The following HSD17B6 variants were observed in gnomAD, a reference collection of about 807,000 sequenced individuals.
HSD17B6 encodes 17-beta-hydroxysteroid dehydrogenase type 6.
HSD17B6 carries 16 observed loss-of-function variants against 26.4 expected under a neutral mutation model. That is an observed-to-expected ratio of 0.61 (90% CI 0.41 to 0.92). HSD17B6 has a LOEUF of 0.92. Ranked by LOEUF, HSD17B6 falls within the 40% of genes least tolerant of loss-of-function variation. HSD17B6 has a pLI of 0.00. For synonymous variants in HSD17B6, 139 were observed against 153.0 expected, an observed-to-expected ratio of 0.91 and a Z score of 0.68; for missense variants, 357 against 386.1, an observed-to-expected ratio of 0.92 and a Z score of 0.63.
At chr12:56,773,404 A>AT (rs1452598828) in intron 1 of HSD17B6, among the ~76,000 whole-genome samples, 2 of 152,130 alleles carry the variant, frequency 1.3e-5, no homozygotes, top group Non-Finnish European at 2.9e-5. Flanking sequence ...GTCTCTTCTT[A>AT]TGTATGTTCT....
At position 56,767,526 on chromosome 12, in the gene HSD17B6, A is replaced by G. The variant is rs957360805; in HGVS notation, c.-20+4112A>G. Among the ~76,000 whole-genome samples, 5 of 149,068 alleles carry G rather than the reference A, an allele frequency of 3.4e-5. No homozygotes were observed. In the Admixed American group the frequency reaches 3.4e-4, roughly 10 times the overall value. On this transcript the variant is annotated intron_variant, in intron 1 of 4. Coordinates refer to ENST00000322165, the MANE Select transcript of HSD17B6 (RefSeq NM_003725.4). Reference sequence around the variant, plus strand: ...GCGAGACTCCCTCTCAAAACAAAACAAAACGAAAACAAAAAAAAAACAAAA... The same window carrying G: ...GCGAGACTCCCTCTCAAAACAAAACGAAACGAAAACAAAAAAAAAACAAAA...
chr12:56,767,204 A>G (rs1302931489), intron 1 of HSD17B6, among the ~76,000 whole-genome samples: 1 of 152,004 alleles, frequency 6.6e-6, no homozygotes, highest in East Asian at 1.9e-4. Flanking sequence ...TCCTCATGTG[A>G]AAAGTGGGCA....
intron 3 of HSD17B6, among the ~76,000 whole-genome samples, chr12:56,784,500 C>T (rs556473366): frequency 3.2e-3 from 489 of 152,318 alleles, no homozygotes; most frequent in Non-Finnish European, 5.0e-3. Flanking sequence ...CACAGTGAAA[C>T]CCCGTCTCCA....
chr12:56,787,616 G>T lies in HSD17B6; in HGVS notation c.*274G>T. 3 of 375,088 alleles carry T rather than the reference G, an allele frequency of 8.0e-6. No homozygotes were observed. Among genetic ancestry groups the T allele is most frequent in the South Asian group, 3.7e-5 (1 of 27,052 alleles). 23.2% of individuals were successfully genotyped at this position (375,088 alleles called of 1,614,324 possible). Reference sequence around the variant, plus strand: ...TCTTGCCTTATTAAACAGAGTAGATGGAAAACAATTTAACCTATTTTGAAG... The same window carrying T: ...TCTTGCCTTATTAAACAGAGTAGATTGAAAACAATTTAACCTATTTTGAAG... On this transcript the variant is annotated 3_prime_UTR_variant, in exon 5 of 5. Transcript: ENST00000322165.
chr12:56,766,437 A>C (rs1276138463), intron 1 of HSD17B6, among the ~76,000 whole-genome samples: 1 of 152,180 alleles, frequency 6.6e-6, no homozygotes, highest in Admixed American at 6.5e-5. Context: ...CCTGGTTCCC[A>C]ATCTCTGCAT....
rs144162000 is a variant in HSD17B6, at chr12:56,787,219, G to A, written c.831G>A (p.Pro277=). Reference sequence around the variant, plus strand: ...AACATGCTCTGACATCGGTGCATCCGCGAACTCGATATTCAGCTGGCTGGG... The same window carrying A: ...AACATGCTCTGACATCGGTGCATCCACGAACTCGATATTCAGCTGGCTGGG... The part of the protein sequence containing the change: ...CMEHALTSVH[P]RTRYSAGWDA... The change falls in exon 5 of 5, where the codon CCG becomes CCA. Residue 277 remains proline (P), a synonymous_variant. Coordinates refer to ENST00000322165, the MANE Select transcript of HSD17B6 (RefSeq NM_003725.4). 114 of 1,614,108 alleles carry A rather than the reference G, an allele frequency of 7.1e-5. No homozygotes were observed. Among genetic ancestry groups the A allele is most frequent in the Middle Eastern group, 4.9e-4 (3 of 6,062 alleles).
At chr12:56,765,588 C>T (rs1954307843) in intron 1 of HSD17B6, among the ~76,000 whole-genome samples, 1 of 151,956 alleles carries the variant, frequency 6.6e-6, no homozygotes, top group South Asian at 2.1e-4. Flanking sequence ...ACCTCGACCT[C>T]CCAGGCTAAA....
chr12:56,773,997 C>G lies in HSD17B6; in HGVS notation c.145C>G (p.Leu49Val). The change falls in exon 2 of 5, where the codon CTG becomes GTG. Residue 49 changes from leucine to valine, a missense_variant. Leu to Val is a conservative substitution (Grantham distance 32). Transcript: ENST00000322165. The stretch of plus-strand genomic sequence containing the variant: ...CTTTGGGAACCTGCTGGCCAGACAG[C>G]TGGATGCACGAGGCTTGAGAGTGCT... Reference protein sequence around the residue: ...SGFGNLLARQLDARGLRVLAA... With the variant: ...SGFGNLLARQVDARGLRVLAA... The G allele has an allele frequency of 4.3e-6, 7 of 1,614,068 alleles. No homozygotes were observed. The highest frequency in any genetic ancestry group is 3.3e-4 in the Middle Eastern group (2 of 6,060).
chr12:56,784,449 C>T (rs1038252974), intron 3 of HSD17B6, among the ~76,000 whole-genome samples: 53 of 152,264 alleles, frequency 3.5e-4, no homozygotes, highest in Admixed American at 4.6e-4. Flanking sequence ...CCAAGGCTGG[C>T]GGATCACTCG....
In HSD17B6 at chr12:56,773,870, G is replaced by A. The variant is rs529002460; in HGVS notation, c.18G>A (p.Ala6=). MWLYL[A]AFVGLYYLLH... is the part of the protein sequence containing the mutation. Reference sequence around the variant, plus strand: ...CCCTCACTATGTGGCTCTACCTGGCGGCCTTCGTGGGCCTGTACTACCTTC... The same window carrying A: ...CCCTCACTATGTGGCTCTACCTGGCAGCCTTCGTGGGCCTGTACTACCTTC... The change falls in exon 2 of 5, where the codon GCG becomes GCA. Residue 6 remains alanine, a synonymous_variant. Transcript: ENST00000322165. The A allele has an allele frequency of 2.7e-5, 43 of 1,571,774 alleles. No individual in the cohort carries two copies. Among genetic ancestry groups the A allele is most frequent in the African/African-American group, 1.8e-4 (13 of 74,096 alleles).
chr12:56,774,008 A>G lies in HSD17B6; in HGVS notation c.156A>G (p.Arg52=). The G allele has an allele frequency of 1.2e-6, 2 of 1,614,032 alleles. No individual in the cohort carries two copies. The highest frequency in any genetic ancestry group is 8.5e-7 in the Non-Finnish European group (1 of 1,179,990). The change falls in exon 2 of 5, where the codon CGA becomes CGG. Residue 52 remains arginine (R), a synonymous_variant. Coordinates refer to ENST00000322165, the MANE Select transcript of HSD17B6 (RefSeq NM_003725.4). ...TGCTGGCCAGACAGCTGGATGCACG[A>G]GGCTTGAGAGTGCTGGCTGCGTGTC... ...GNLLARQLDA[R]GLRVLAACLT...
intron 1 of HSD17B6, among the ~76,000 whole-genome samples, chr12:56,772,736 G>A (rs962767656): frequency 6.7e-5 from 10 of 149,522 alleles, no homozygotes; most frequent in Non-Finnish European, 3.0e-5. Flanking sequence ...AGTGTTATTT[G>A]CCAAGTAGAT....
chr12:56,786,813 C>T (rs1565925289), intron 4 of HSD17B6, among the ~76,000 whole-genome samples: 1 of 152,292 alleles, frequency 6.6e-6, no homozygotes, highest in South Asian at 2.1e-4. Context: ...TGTACCACTA[C>T]ACTCCAACCT....
In HSD17B6 at chr12:56,781,130, CT is replaced by C. The variant is rs1954707886; in HGVS notation, c.314-841del. ...GCAAACATTTCAAACAGGGGGGCTT[CT>C]TTAATCTGTTCATTATCAGTTCTGG... On this transcript the variant is annotated intron_variant, in intron 2 of 4. Transcript: ENST00000322165. 2.0e-5 allele frequency among the ~76,000 whole-genome samples: 3 copies of C among 152,300 alleles called. No individual in the cohort carries two copies. In the South Asian group the frequency reaches 6.2e-4, roughly 32 times the overall value.
intron 2 of HSD17B6, among the ~76,000 whole-genome samples, chr12:56,779,278 G>C (rs117667223): frequency 1.3e-5 from 2 of 151,952 alleles, no homozygotes; most frequent in African/African-American, 4.8e-5. Context: ...AGGATTTCAG[G>C]TGTGCACCAC....
intron 2 of HSD17B6, among the ~76,000 whole-genome samples, chr12:56,776,407 C>T (rs943757112): frequency 1.3e-5 from 2 of 149,108 alleles, no homozygotes; most frequent in East Asian, 2.0e-4. Context: ...TTGGTTCAAG[C>T]GATCCTCCCA....
chr12:56,783,932 C>A (rs987748580), intron 3 of HSD17B6, among the ~76,000 whole-genome samples: 1 of 150,802 alleles, frequency 6.6e-6, no homozygotes, highest in Non-Finnish European at 1.5e-5. Context: ...GGGCGGTTGC[C>A]AGGCGGAGGG....
At chr12:56,767,608 A>ATATATTAATATATAACATATATAT in intron 1 of HSD17B6, among the ~76,000 whole-genome samples, 1 of 120,220 alleles carries the variant, frequency 8.3e-6, no homozygotes, top group South Asian at 2.9e-4. Context: ...ATACACATAC[A>ATATATTAATATATAACATATATAT]TATATTAATA....
chr12:56,784,646 C>T (rs546512978), intron 3 of HSD17B6, among the ~76,000 whole-genome samples: 40 of 152,156 alleles, frequency 2.6e-4, no homozygotes, highest in Middle Eastern at 3.4e-3. Flanking sequence ...AGCTTCCGCT[C>T]GGCATCAGAG....
Sources: gnomAD v4.1 joint callset for allele counts (sites outside exome capture counted in the v4.1 genomes callset) on GRCh38, gnomAD v4.1.1 for gene constraint, MANE v1.5 for transcripts, NCBI Gene and HGNC (gene_info 2026-07-23, HGNC 2026-07-21) for gene names.